Variants in ATP7B observed in about 807,000 individuals in gnomAD.
ATP7B encodes ATPase copper transporting beta.
ATP7B carries 113 observed loss-of-function variants against 118.9 expected under a neutral mutation model. The observed-to-expected ratio is 0.95, with a 90% CI of 0.82 to 1.11. The LOEUF (loss-of-function observed/expected upper bound fraction) is 1.11. ATP7B is among the 50% of genes most tolerant of loss of function. The pLI is 0.00. For missense variants in ATP7B, 1,867 were observed against 1,871.4 expected (o/e 1.00, Z 0.04); for synonymous variants, 777 against 727.4 (o/e 1.07, Z -1.10).
chr13:51,944,088 GC>G lies in ATP7B; in HGVS notation c.3243+20del. The G allele has an allele frequency of 6.2e-7, 1 of 1,613,864 alleles. No homozygotes were observed. The highest frequency in any genetic ancestry group is 1.1e-5 in the South Asian group (1 of 91,062). ...AAAGAGCATTGGCGGGGAGGGCAGG[GC>G]CACGCCCAAGTCCACGTACCTCTTT... On this transcript the variant is annotated intron_variant, in intron 14 of 20. Transcript: ENST00000242839.
chr13:51,973,134 T>G (rs890657690), intron 2 of ATP7B, among the ~76,000 whole-genome samples: 3 of 152,204 alleles, frequency 2.0e-5, no homozygotes, highest in African/African-American at 7.2e-5. Context: ...TTAACTCTCA[T>G]TTTTACCAGC....
upstream of ATP7B, chr13:52,012,114 G>A (rs1954057720): frequency 1.8e-6 from 1 of 544,098 alleles, no homozygotes; most frequent in Non-Finnish European, 3.3e-6. Flanking sequence ...CGCCCAGGCG[G>A]GGGCTTCTAG....
Position 51,934,630 on chromosome 13 carries a change from G to C in ATP7B, c.*126C>G. ...CGCGTGCTGCAGGGCAGGATGACTG[G>C]ACATATCCAGGGAGCGGAAGTCCCC... On this transcript the variant is annotated 3_prime_UTR_variant, in exon 21 of 21. Transcript: ENST00000242839. The C allele has an allele frequency of 6.9e-7, 1 of 1,455,724 alleles. No individual in the cohort carries two copies. The highest frequency in any genetic ancestry group is 1.2e-5 in the South Asian group (1 of 84,310). 90.2% of individuals were successfully genotyped at this position (1,455,724 alleles called of 1,614,324 possible). A position where few individuals can be genotyped will look rare whatever the true frequency, so the allele number is the denominator to read the frequency against.
At chr13:51,950,878 C>A (rs1957959245) in intron 9 of ATP7B, among the ~76,000 whole-genome samples, 1 of 151,968 alleles carries the variant, frequency 6.6e-6, no homozygotes. Context: ...AGGTTTAAGG[C>A]AGGCAGGAAG....
At chr13:51,953,658 T>C (rs940450614) in intron 9 of ATP7B, among the ~76,000 whole-genome samples, 1 of 152,076 alleles carries the variant, frequency 6.6e-6, no homozygotes, top group South Asian at 2.1e-4. Context: ...GGAACCCTCT[T>C]AATTAAAAGA....
At chr13:51,975,615 G>A in intron 1 of ATP7B, 1 of 499,504 alleles carries the variant, frequency 2.0e-6, no homozygotes, top group South Asian at 1.5e-5. Context: ...TGGGGGTCCT[G>A]CTGAAATACA....
chr13:51,997,291 A>C (rs1252452636), intron 1 of ATP7B, among the ~76,000 whole-genome samples: 1 of 152,178 alleles, frequency 6.6e-6, no homozygotes, highest in Non-Finnish European at 1.5e-5. Flanking sequence ...TATTCCCCAT[A>C]AGTGACATCT....
chr13:51,970,360 T>G, intron 3 of ATP7B, 132 bp downstream of exon 3: 12 of 1,293,508 alleles, frequency 9.3e-6, no homozygotes, highest in Non-Finnish European at 1.3e-5. Context: ...TAGACAAACA[T>G]TTATGCTATA....
At chr13:51,971,163 C>T (rs1469753985) in intron 2 of ATP7B, among the ~76,000 whole-genome samples, 1 of 152,214 alleles carries the variant, frequency 6.6e-6, no homozygotes, top group East Asian at 1.9e-4. Flanking sequence ...TCAAGAAGGG[C>T]TCTTCAAATA....
intron 12 of ATP7B, among the ~76,000 whole-genome samples, chr13:51,948,987 C>T (rs1957828051): frequency 6.6e-6 from 1 of 152,150 alleles, no homozygotes; most frequent in Non-Finnish European, 1.5e-5. Context: ...CGAAGCCAGC[C>T]TGACTAATAC....
At chr13:52,007,699 C>T (rs1953840752) in intron 1 of ATP7B, among the ~76,000 whole-genome samples, 1 of 152,196 alleles carries the variant, frequency 6.6e-6, no homozygotes, top group Admixed American at 6.5e-5. Flanking sequence ...AGAATGCCCA[C>T]ACTTCACATG....
intron 1 of ATP7B, among the ~76,000 whole-genome samples, chr13:51,996,726 T>C (rs2140450532): frequency 6.6e-6 from 1 of 152,308 alleles, no homozygotes; most frequent in Non-Finnish European, 1.5e-5. Context: ...CTGTTCTCTT[T>C]GAGGAAAGGC....
At chr13:51,969,911 G>C (rs1395088833) in intron 3 of ATP7B, among the ~76,000 whole-genome samples, 1 of 152,226 alleles carries the variant, frequency 6.6e-6, no homozygotes, top group Non-Finnish European at 1.5e-5. Flanking sequence ...GGTAAGAAAA[G>C]AGAAAGTGAT....
upstream of ATP7B, chr13:52,011,938 G>A (rs1230265146): frequency 1.3e-5 from 4 of 299,834 alleles, no homozygotes; most frequent in Non-Finnish European, 1.9e-5. Context: ...GCTCTGCGCT[G>A]CCCCCTCCTC....
At chr13:52,006,001 T>TGTC (rs1953750905) in intron 1 of ATP7B, among the ~76,000 whole-genome samples, 1 of 152,212 alleles carries the variant, frequency 6.6e-6, no homozygotes, top group African/African-American at 2.4e-5. Flanking sequence ...TGCTTAAAGG[T>TGTC]GTCCTTAAAC....
At position 51,971,889 on chromosome 13, in the gene ATP7B, C is replaced by T. The variant is rs76451629; in HGVS notation, c.1286-1140G>A. Among the ~76,000 whole-genome samples the T allele has an allele frequency of 4.9e-3, 741 of 152,358 alleles. 6 individuals carry two copies. Among genetic ancestry groups the T allele is most frequent in the African/African-American group, 0.016 (675 of 41,586 alleles). On this transcript the variant is annotated intron_variant, in intron 2 of 20. Coordinates refer to ENST00000242839, the MANE Select transcript of ATP7B (RefSeq NM_000053.4). ...ACCAAAGTTCAGCCATCCCTGAGCA[C>T]TGAGCTGCCAGTGGGCTTGCCCACG... is the stretch of plus-strand genomic sequence containing the variant.
chr13:51,960,608 G>A (rs1958672307), intron 6 of ATP7B, among the ~76,000 whole-genome samples: 1 of 152,152 alleles, frequency 6.6e-6, no homozygotes, highest in Non-Finnish European at 1.5e-5. Flanking sequence ...AGGCAAGTGA[G>A]GCCCCAAAGC....
chr13:51,983,225 C>T lies in ATP7B; in HGVS notation c.52-8057G>A, dbSNP rs544324612. On this transcript the variant is annotated intron_variant, in intron 1 of 20. Coordinates refer to ENST00000242839, the MANE Select transcript of ATP7B (RefSeq NM_000053.4). ...TCGACCTGGGATGCTCAAGCTTGGT[C>T]GGGGGAGGGGCATCCACCATTACTG... Among the ~76,000 whole-genome samples the T allele has an allele frequency of 9.2e-5, 14 of 152,220 alleles. No homozygotes were observed. The East Asian group carries it at 1.2e-3, about 13-fold the overall frequency.
At chr13:51,943,192 G>A (rs1957442174) in intron 14 of ATP7B, among the ~76,000 whole-genome samples, 1 of 152,160 alleles carries the variant, frequency 6.6e-6, no homozygotes, top group East Asian at 1.9e-4. Flanking sequence ...AAATGGCTGT[G>A]ACACCGACCT....
Sources: gnomAD v4.1 joint callset for allele counts (sites outside exome capture counted in the v4.1 genomes callset) on GRCh38, gnomAD v4.1.1 for gene constraint, MANE v1.5 for transcripts, NCBI Gene and HGNC (gene_info 2026-07-23, HGNC 2026-07-21) for gene names.